LTBP3: variants seen among roughly 807,000 people sequenced by gnomAD.
LTBP3 encodes latent-transforming growth factor beta-binding protein 3.
A neutral mutation model predicts 159.7 loss-of-function variants in LTBP3; 97 were observed. That is an observed-to-expected ratio of 0.61 (90% confidence interval 0.52 to 0.72). The LOEUF (loss-of-function observed/expected upper bound fraction) is 0.72, where lower values mean the gene tolerates loss of function less well. LTBP3 is among the 30% of genes least tolerant of loss of function. The probability of loss-of-function intolerance (pLI) is 0.00; values close to 1 mark genes in which losing one functional copy is unlikely to be tolerated. For synonymous variants in LTBP3, 824 were observed against 777.1 expected, an observed-to-expected ratio of 1.06 and a Z score of -1.00; for missense variants, 1,584 against 1,864.3, an observed-to-expected ratio of 0.85 and a Z score of 2.77.
chr11:65,554,859 TC>T lies in LTBP3; in HGVS notation c.332-480del, dbSNP rs905139893. On this transcript the variant is annotated intron_variant, in intron 1 of 27. Transcript: ENST00000301873. The surrounding 1 kb of genome is among the most constrained non-coding windows in gnomAD (Gnocchi z 5.3). Reference sequence around the variant, plus strand: ...TTCCCTCCTTCAGGCCTCAGTCCTCTCTGCCTGCTCTCCACCCTCTCCCTCT... The same window carrying T: ...TTCCCTCCTTCAGGCCTCAGTCCTCTTGCCTGCTCTCCACCCTCTCCCTCT... Among the ~76,000 whole-genome samples, 1 of 151,872 alleles carries T rather than the reference TC, an allele frequency of 6.6e-6. No individual in the cohort carries two copies. The highest frequency in any genetic ancestry group is 1.5e-5 in the Non-Finnish European group (1 of 67,910).
In LTBP3 at chr11:65,552,175, G is replaced by C. The variant is rs1565099357; in HGVS notation, c.1346-18C>G. 3.7e-6 allele frequency: 6 copies of C among 1,614,188 alleles called. No individual in the cohort carries two copies. In the Admixed American group the frequency reaches 8.3e-5, roughly 22 times the overall value. ...GAACGCAGCTGCAGTCAAGACAGCA[G>C]ACACAAAAGTGAGCATTTCCTGGAC... On this transcript the variant is annotated intron_variant, in intron 7 of 27. Coordinates refer to ENST00000301873, the MANE Select transcript of LTBP3 (RefSeq NM_001130144.3). This position sits in a 1 kb window ranked among gnomAD's most constrained non-coding sequence, Gnocchi z 6.0.
At position 65,552,961 on chromosome 11, in the gene LTBP3, G is replaced by A. The variant is rs768342170; in HGVS notation, c.1085C>T (p.Pro362Leu). ...HCQDINECAM[P>L]GVCRHGDCLN... ...GCAGTCACCATGGCGACACACGCCC[G>A]GCATTGCGCACTCGTTGATGTCTGT... The change falls in exon 6 of 28, where the codon CCG becomes CTG. Residue 362 changes from proline to leucine, a missense_variant. This residue lies in a region of LTBP3 where 156 missense variants were observed against 259.7 expected (regional missense o/e 0.60). Coordinates refer to ENST00000301873, the MANE Select transcript of LTBP3 (RefSeq NM_001130144.3). The surrounding 1 kb of genome is among the most constrained non-coding windows in gnomAD (Gnocchi z 6.0). The A allele has an allele frequency of 4.3e-6, 7 of 1,614,078 alleles. No individual in the cohort carries two copies. The highest frequency in any genetic ancestry group is 2.2e-5 in the East Asian group (1 of 44,890).
Position 65,547,967 on chromosome 11 carries a change from T to C in LTBP3, c.1799A>G (p.His600Arg). ...CVPGPPDYSC[H>R]CNPGYRSHPQ... is the part of the protein sequence containing the mutation. ...ATGTGACCGGTAGCCGGGGTTGCAGTGGCAGGAGTAGTCAGGGGGGCCCGG... is the reference window on the plus strand; with the variant it reads ...ATGTGACCGGTAGCCGGGGTTGCAGCGGCAGGAGTAGTCAGGGGGGCCCGG... The change falls in exon 12 of 28, where the codon CAC becomes CGC. Residue 600 changes from histidine (H) to arginine (R), a missense_variant. Physicochemically the swap from His to Arg is conservative, Grantham distance 29. This residue lies in a region of LTBP3 where 565 missense variants were observed against 677.7 expected (regional missense o/e 0.83). Coordinates refer to ENST00000301873, the MANE Select transcript of LTBP3 (RefSeq NM_001130144.3). This position sits in a 1 kb window ranked among gnomAD's most constrained non-coding sequence, Gnocchi z 4.6. 6.2e-7 allele frequency: 1 copy of C among 1,613,820 alleles called. No homozygotes were observed. The highest frequency in any genetic ancestry group is 1.7e-5 in the Admixed American group (1 of 60,028).
In LTBP3 at chr11:65,539,831, C is replaced by T. The variant is rs1200749363; in HGVS notation, c.3436G>A (p.Gly1146Ser). Residue 1146 changes from glycine to serine, a missense_variant, in exon 25 of 28, where the codon GGC becomes AGC. Physicochemically the swap from Gly to Ser is moderately conservative, Grantham distance 56. Transcript: ENST00000301873. ...CCGGCCAGGGGGCCAGCGCACATGC[C>T]GTCCTCTCCGCGCTGGCTCCAGCAC... ...DVCWSQRGED[G>S]MCAGPLAGPA... 4.6e-6 allele frequency: 7 copies of T among 1,527,580 alleles called. No homozygotes were observed. The highest frequency in any genetic ancestry group is 1.8e-4 in the Middle Eastern group (1 of 5,680). 94.6% of individuals were successfully genotyped at this position (1,527,580 alleles called of 1,614,324 possible). A position where few individuals can be genotyped will look rare whatever the true frequency, so the allele number is the denominator to read the frequency against.
At chr11:65,555,787 A>G (rs1725323403) in intron 1 of LTBP3, among the ~76,000 whole-genome samples, 1 of 152,002 alleles carries the variant, frequency 6.6e-6, no homozygotes, top group South Asian at 2.1e-4. Flanking sequence ...TGCCCACCCC[A>G]TGGCTGCCCT....
chr11:65,548,224 G>C, intron 11 of LTBP3, 179 bp from the exon 12 acceptor site: 1 of 897,730 alleles, frequency 1.1e-6, no homozygotes, highest in Middle Eastern at 3.3e-4. Context: ...ACCCCAGAAA[G>C]CTCCAAACTA....
chr11:65,541,837 G>GT, intron 18 of LTBP3, 109 bp from the exon 19 acceptor site: 13 of 1,298,524 alleles, frequency 1.0e-5, no homozygotes, highest in Non-Finnish European at 1.4e-5. Flanking sequence ...TGGTTTCAAA[G>GT]TATGTACAGC....
intron 21 of LTBP3, 112 bp from the exon 22 acceptor site, chr11:65,540,726 GGGGCCTACA>G: frequency 1.9e-6 from 3 of 1,542,960 alleles, no homozygotes; most frequent in Non-Finnish European, 2.7e-6. Context: ...CAGGAGGGGC[GGGGCCTACA>G]GGGCGGGGCC....
rs1177322746 is a variant in LTBP3 at position 65,540,919 on chromosome 11, A to G, written c.2929T>C (p.Tyr977His). The change falls in exon 21 of 28, where the codon TAC (tyrosine) becomes CAC (histidine). Residue 977 changes from tyrosine (Y) to histidine (H), a missense_variant. Coordinates refer to ENST00000301873, the MANE Select transcript of LTBP3 (RefSeq NM_001130144.3). ...FHSLCPDGKG[Y>H]TQDNNIVNYG... ...TTGACGATGTTGTTGTCCTGGGTGT[A>G]GCCCTTTCCGTCTGGGCAGAGGCTG... The G allele has an allele frequency of 1.2e-6, 2 of 1,613,466 alleles. No homozygotes were observed. The highest frequency in any genetic ancestry group is 2.2e-5 in the South Asian group (2 of 90,984).
rs61893784 is a variant in LTBP3 at position 65,538,562 on chromosome 11, A to C, written c.*518T>G. The C allele has an allele frequency of 6.2e-7, 1 of 1,610,840 alleles. No individual in the cohort carries two copies. Among genetic ancestry groups the C allele is most frequent in the Non-Finnish European group, 8.5e-7 (1 of 1,179,090 alleles). On this transcript the variant is annotated 3_prime_UTR_variant, in exon 28 of 28. Coordinates refer to ENST00000301873, the MANE Select transcript of LTBP3 (RefSeq NM_001130144.3). ...ATGAAGCTGGGAGCCCGGAAGCTGG[A>C]CTGAACCGTGGCGGTGGCCCTTCCC...
chr11:65,546,651 C>G lies in LTBP3; in HGVS notation c.2231-87G>C. The G allele has an allele frequency of 1.3e-6, 2 of 1,580,980 alleles. No homozygotes were observed. The highest frequency in any genetic ancestry group is 1.7e-6 in the Non-Finnish European group (2 of 1,171,154). On this transcript the variant is annotated intron_variant, in intron 15 of 27. Transcript: ENST00000301873. The surrounding 1 kb of genome is among the most constrained non-coding windows in gnomAD (Gnocchi z 4.0). ...GGGGGTGTGGGTCTCTTCCCTGGAA[C>G]GCGGGGTTGAGAGGGCAGCCTCTAC...
chr11:65,539,289 C>T lies in LTBP3; in HGVS notation c.3760+39G>A, dbSNP rs1473799113. The T allele has an allele frequency of 2.6e-6, 4 of 1,511,896 alleles. No homozygotes were observed. In the South Asian group the frequency reaches 4.9e-5, roughly 18 times the overall value. The allele number at this position is 1,511,896 out of a possible 1,614,324, so 93.7% of individuals were successfully genotyped here. A position where few individuals can be genotyped will look rare whatever the true frequency, so the allele number is the denominator to read the frequency against. ...GAGCCTCCAGGCGGCTCCTCACCACCGGCCCCGCCCCTGCCCCCACCCCCG... is the reference window on the plus strand; with the variant it reads ...GAGCCTCCAGGCGGCTCCTCACCACTGGCCCCGCCCCTGCCCCCACCCCCG... On this transcript the variant is annotated intron_variant, in intron 27 of 27. Transcript: ENST00000301873.
In LTBP3 at chr11:65,557,980, G is replaced by A. The variant is rs1185738290; in HGVS notation, c.-21C>T. On this transcript the variant is annotated 5_prime_UTR_variant, in exon 1 of 28. Coordinates refer to ENST00000301873, the MANE Select transcript of LTBP3 (RefSeq NM_001130144.3). Reference sequence around the variant, plus strand: ...GGCATCCGGGGCCGCAGGACCCGGGGGAGGGGGGGCGCGCCCGGGCGGGGC... The same window carrying A: ...GGCATCCGGGGCCGCAGGACCCGGGAGAGGGGGGGCGCGCCCGGGCGGGGC... 3 of 1,133,386 alleles carry A rather than the reference G, an allele frequency of 2.6e-6. No individual in the cohort carries two copies. In the African/African-American group the frequency reaches 4.9e-5, roughly 19 times the overall value. 70.2% of individuals were successfully genotyped at this position (1,133,386 alleles called of 1,614,324 possible).
chr11:65,542,029 C>T (rs1043693427), intron 18 of LTBP3: 2 of 385,074 alleles, frequency 5.2e-6, no homozygotes, highest in Non-Finnish European at 1.0e-5. Flanking sequence ...ACGCCTTACT[C>T]TAGACCACCC....
rs71036212 is a variant in LTBP3, at chr11:65,557,854, CCAGCAGCAGCAGCAG to C, written c.91_105del (p.Leu31_Leu35del). On this transcript the variant is annotated inframe_deletion, in exon 1 of 28. Transcript: ENST00000301873. The stretch of plus-strand genomic sequence containing the variant: ...CCCCCCTCGACCCTGCCGCCCAGGC[CCAGCAGCAGCAGCAG>C]CAGCAGCAGCAGCAGCGCCAGCAGC... 64 of 1,320,328 alleles carry C rather than the reference CCAGCAGCAGCAGCAG, an allele frequency of 4.8e-5. No homozygotes were observed. The highest frequency in any genetic ancestry group is 9.5e-5 in the South Asian group (5 of 52,788). 81.8% of individuals were successfully genotyped at this position (1,320,328 alleles called of 1,614,324 possible). A position where few individuals can be genotyped will look rare whatever the true frequency, so the allele number is the denominator to read the frequency against.
rs1418319615 is a variant in LTBP3 at position 65,547,984 on chromosome 11, G to A, written c.1782C>T (p.Pro594=). ...ICGHGECVPG[P]PDYSCHCNPG... ...GGTTGCAGTGGCAGGAGTAGTCAGG[G>A]GGGCCCGGCACGCACTCTCCGTGGC... The change falls in exon 12 of 28, where the codon CCC becomes CCT. Residue 594 remains proline, a synonymous_variant. Coordinates refer to ENST00000301873, the MANE Select transcript of LTBP3 (RefSeq NM_001130144.3). This position sits in a 1 kb window ranked among gnomAD's most constrained non-coding sequence, Gnocchi z 4.6. The A allele has an allele frequency of 6.2e-7, 1 of 1,613,872 alleles. No individual in the cohort carries two copies. Among genetic ancestry groups the A allele is most frequent in the South Asian group, 1.1e-5 (1 of 91,080 alleles).
At chr11:65,555,992 T>G (rs764816924) in intron 1 of LTBP3, among the ~76,000 whole-genome samples, 2 of 152,096 alleles carry the variant, frequency 1.3e-5, no homozygotes, top group African/African-American at 2.4e-5. Context: ...GGAGGTAGGA[T>G]TCTCTTTTTC....
chr11:65,540,084 C>A lies in LTBP3; in HGVS notation c.3314G>T (p.Arg1105Leu). ...CACCCAGGGCGGGCGACACTCGCAG[C>A]GGTAGGAGCCCGGCAGGTTGACGCA... ...GRCVNLPGSY[R>L]CECRPPWVPG... The change falls in exon 24 of 28, where the codon CGC (arginine) becomes CTC (leucine). Residue 1105 changes from arginine (R) to leucine (L), a missense_variant. By Grantham distance (102) the Arg-to-Leu change is moderately radical. Around this residue, in one of 6 missense-constraint regions of LTBP3, gnomAD observed 514 missense variants for 530.3 expected, o/e 0.97. Coordinates refer to ENST00000301873, the MANE Select transcript of LTBP3 (RefSeq NM_001130144.3). The A allele has an allele frequency of 1.3e-6, 2 of 1,525,298 alleles. No homozygotes were observed. The highest frequency in any genetic ancestry group is 1.8e-6 in the Non-Finnish European group (2 of 1,141,322). The allele number at this position is 1,525,298 out of a possible 1,614,324, so 94.5% of individuals were successfully genotyped here.
Position 65,558,146 on chromosome 11 carries a change from G to A in LTBP3, c.-187C>T. Reference sequence around the variant, plus strand: ...GGCGCGGAGATGCAGACTGGACAGCGGGGAGCGCAGAAACTTCCCAGCCCC... The same window carrying A: ...GGCGCGGAGATGCAGACTGGACAGCAGGGAGCGCAGAAACTTCCCAGCCCC... On this transcript the variant is annotated 5_prime_UTR_variant, in exon 1 of 28. Transcript: ENST00000301873. The A allele has an allele frequency of 9.3e-7, 1 of 1,077,484 alleles. No homozygotes were observed. Among genetic ancestry groups the A allele is most frequent in the Non-Finnish European group, 1.1e-6 (1 of 888,288 alleles). 66.7% of individuals were successfully genotyped at this position (1,077,484 alleles called of 1,614,324 possible).
Sources: gnomAD v4.1 joint callset for allele counts (sites outside exome capture counted in the v4.1 genomes callset) on GRCh38, gnomAD v4.1.1 for gene constraint, gnomAD v4.1.1 regional missense constraint, Gnocchi (gnomAD v3.1) non-coding constraint, MANE v1.5 for transcripts, NCBI Gene and HGNC (gene_info 2026-07-23, HGNC 2026-07-21) for gene names.